SLC4A7: variants seen among roughly 807,000 people sequenced by gnomAD.
The protein encoded by SLC4A7 is sodium bicarbonate cotransporter 3.
Under a neutral mutation model 137.6 loss-of-function variants are expected in SLC4A7, and 51 were observed. The ratio of observed to expected loss-of-function variants is 0.37; its 90% CI spans 0.30 to 0.47. SLC4A7 has a LOEUF of 0.47. Ranked by LOEUF, SLC4A7 falls within the 20% of genes least tolerant of loss-of-function variation. SLC4A7 has a pLI of 1.00. For synonymous variants in SLC4A7, 542 were observed against 518.6 expected, an observed-to-expected ratio of 1.05 and a Z score of -0.61; for missense variants, 1,247 against 1,525.4, an observed-to-expected ratio of 0.82 and a Z score of 3.04.
chr3:27,418,799 C>T (rs955974144), intron 10 of SLC4A7, among the ~76,000 whole-genome samples, 167 bp from the exon 11 acceptor site: 4 of 152,070 alleles, frequency 2.6e-5, no homozygotes, highest in Non-Finnish European at 5.9e-5. Flanking sequence ...AAAAGGTAAT[C>T]CACTCAGTAT....
intron 1 of SLC4A7, among the ~76,000 whole-genome samples, chr3:27,475,079 T>G (rs1303899649): frequency 6.6e-6 from 1 of 152,046 alleles, no homozygotes; most frequent in African/African-American, 2.4e-5. Flanking sequence ...CACTGCACTC[T>G]GGGTGACAGA....
Position 27,424,028 on chromosome 3 carries a change from T to C in SLC4A7, c.1266+9A>G, listed in dbSNP as rs777290146. The C allele has an allele frequency of 3.8e-5, 54 of 1,416,332 alleles. No homozygotes were observed. The highest frequency in any genetic ancestry group is 5.2e-5 in the Non-Finnish European group (52 of 1,002,874). The allele number at this position is 1,416,332 out of a possible 1,614,324, so 87.7% of individuals were successfully genotyped here. The stretch of plus-strand genomic sequence containing the variant: ...AATTATGAGAATTTTCAGTTAATGA[T>C]AGAATTACCTTGCTGAAGTCAACAG... On this transcript the variant is annotated intron_variant, in intron 8 of 25. Transcript: ENST00000454389.
intron 12 of SLC4A7, among the ~76,000 whole-genome samples, chr3:27,410,869 C>G (rs190571138): frequency 1.0e-3 from 155 of 152,132 alleles, no homozygotes; most frequent in African/African-American, 3.7e-3. Context: ...ATTCAGTATG[C>G]CAGTTACTTA....
At chr3:27,397,843 GTTCT>G in intron 17 of SLC4A7, 46 bp from the exon 18 acceptor site, 1 of 1,081,406 alleles carries the variant, frequency 9.2e-7, no homozygotes, top group Non-Finnish European at 1.4e-6. Context: ...AATACTATGT[GTTCT>G]TTCTAAATAA....
At chr3:27,450,514 A>C (rs1272078441) in intron 2 of SLC4A7, among the ~76,000 whole-genome samples, 1 of 152,158 alleles carries the variant, frequency 6.6e-6, no homozygotes, top group Non-Finnish European at 1.5e-5. Context: ...CCTTCAAAAC[A>C]TAAAGAAAAG....
At chr3:27,453,255 A>T (rs2058195414) in intron 1 of SLC4A7, among the ~76,000 whole-genome samples, 2 of 152,180 alleles carry the variant, frequency 1.3e-5, no homozygotes, top group African/African-American at 2.4e-5. Context: ...TTAACTACTT[A>T]TTATTAACTT....
intron 16 of SLC4A7, among the ~76,000 whole-genome samples, chr3:27,399,372 C>T (rs1303038459): frequency 6.6e-6 from 1 of 152,192 alleles, no homozygotes; most frequent in Non-Finnish European, 1.5e-5. Flanking sequence ...CTATTAACTA[C>T]ACCTCTTCCT....
chr3:27,452,393 G>A (rs1559805988), intron 2 of SLC4A7, 24 bp downstream of exon 2: 1 of 1,463,194 alleles, frequency 6.8e-7, no homozygotes, highest in Non-Finnish European at 9.4e-7. Context: ...ACTAAGCGAA[G>A]TAAGTTATTT....
chr3:27,379,737 T>G (rs2050230713), intron 24 of SLC4A7, among the ~76,000 whole-genome samples: 1 of 152,180 alleles, frequency 6.6e-6, no homozygotes, highest in Admixed American at 6.5e-5. Flanking sequence ...TCAAGTCGAC[T>G]AGAAAACGGT....
At chr3:27,410,331 G>A (rs2053783244) in intron 12 of SLC4A7, among the ~76,000 whole-genome samples, 2 of 152,238 alleles carry the variant, frequency 1.3e-5, no homozygotes, top group South Asian at 4.1e-4. Context: ...CTGGGAAATA[G>A]TAGGCACTCA....
chr3:27,379,123 A>T (rs923495203), intron 25 of SLC4A7, 126 bp downstream of exon 25: 7 of 582,782 alleles, frequency 1.2e-5, no homozygotes, highest in South Asian at 6.9e-5. Flanking sequence ...ACAAAAACAT[A>T]ATTATTATTT....
chr3:27,399,360 C>T (rs930704460), intron 16 of SLC4A7, among the ~76,000 whole-genome samples: 1 of 152,138 alleles, frequency 6.6e-6, no homozygotes, highest in Non-Finnish European at 1.5e-5. Context: ...ATTTGAACAC[C>T]TCTATTAACT....
chr3:27,397,938 CATTTAT>C, intron 17 of SLC4A7, 141 bp from the exon 18 acceptor site: 1 of 622,806 alleles, frequency 1.6e-6, no homozygotes, highest in South Asian at 2.3e-5. Flanking sequence ...CAGTGAAACA[CATTTAT>C]ATTTAATTCT....
At chr3:27,402,807 G>A (rs191642456) in intron 15 of SLC4A7, among the ~76,000 whole-genome samples, 14 of 152,144 alleles carry the variant, frequency 9.2e-5, no homozygotes, top group Non-Finnish European at 5.9e-5. Context: ...AAGAATATAA[G>A]ATCCAATGTA....
chr3:27,464,629 G>T (rs528891746), intron 1 of SLC4A7, among the ~76,000 whole-genome samples: 1 of 151,980 alleles, frequency 6.6e-6, no homozygotes, highest in South Asian at 2.1e-4. Flanking sequence ...GGAGGCAGAG[G>T]TTGCAGTGAG....
At position 27,425,370 on chromosome 3, in the gene SLC4A7, T is replaced by TAAAAA. The variant is rs56153970; in HGVS notation, c.1151-1223_1151-1219dup. On this transcript the variant is annotated intron_variant, in intron 7 of 25. Coordinates refer to ENST00000454389, the MANE Select transcript of SLC4A7 (RefSeq NM_001321103.2). ...GGGCAACGAGAGAGAAACTCCGTCC[T>TAAAAA]AAAAAAAAAAAAAAAAAAAAAAAGG... Among the ~76,000 whole-genome samples the TAAAAA allele has an allele frequency of 6.3e-4, 36 of 57,002 alleles. 1 individual carries two copies. The highest frequency in any genetic ancestry group is 2.9e-3 in the African/African-American group (34 of 11,842). The allele number at this position is 57,002 out of a possible 152,430, so 37.4% of individuals were successfully genotyped here. A position where few individuals can be genotyped will look rare whatever the true frequency, so the allele number is the denominator to read the frequency against.
intron 13 of SLC4A7, 80 bp downstream of exon 13, chr3:27,409,276 T>A: frequency 1.8e-6 from 2 of 1,124,638 alleles, no homozygotes; most frequent in East Asian, 4.9e-5. Flanking sequence ...CAAATAAAAG[T>A]ATGAATAGTG....
intron 17 of SLC4A7, 80 bp from the exon 18 acceptor site, chr3:27,397,877 A>G (rs2052355926): frequency 2.5e-6 from 2 of 808,920 alleles, no homozygotes; most frequent in Non-Finnish European, 3.9e-6. Context: ...TTTATTGATA[A>G]AATTGTCACT....
At chr3:27,379,986 T>C (rs1576051703) in intron 24 of SLC4A7, among the ~76,000 whole-genome samples, 1 of 152,068 alleles carries the variant, frequency 6.6e-6, no homozygotes, top group African/African-American at 2.4e-5. Context: ...GTGATAAAGG[T>C]GGTATTTTAT....
Sources: gnomAD v4.1 joint callset for allele counts (sites outside exome capture counted in the v4.1 genomes callset) on GRCh38, gnomAD v4.1.1 for gene constraint, MANE v1.5 for transcripts, NCBI Gene and HGNC (gene_info 2026-07-23, HGNC 2026-07-21) for gene names.